PARVB: variants seen among roughly 807,000 people sequenced by gnomAD.
The protein encoded by PARVB is beta-parvin.
PARVB carries 46 observed loss-of-function variants against 47.0 expected under a neutral mutation model. That is an observed-to-expected ratio of 0.98 (90% confidence interval 0.77 to 1.25). The LOEUF (loss-of-function observed/expected upper bound fraction) is 1.25, where lower values mean the gene tolerates loss of function less well. PARVB is among the 50% of genes most tolerant of loss of function. The pLI is 0.00. For missense variants in PARVB, 473 were observed against 471.6 expected (o/e 1.00, Z -0.03); for synonymous variants, 196 against 196.3 (o/e 1.00, Z 0.01).
chr22:44,096,537 G>T (rs1251433014), intron 2 of PARVB, among the ~76,000 whole-genome samples: 2 of 152,194 alleles, frequency 1.3e-5, no homozygotes, highest in African/African-American at 4.8e-5. Flanking sequence ...CACTGTGAAT[G>T]CTTCTACTCC....
chr22:44,055,158 A>G (rs75875366), intron 1 of PARVB, among the ~76,000 whole-genome samples: 2,269 of 152,214 alleles, frequency 0.015, 46 homozygotes, highest in African/African-American at 0.045. Context: ...GGAAGTACCC[A>G]CGTTCCTGCT....
In PARVB at chr22:44,169,513, C is replaced by G. The variant is rs16991609; in HGVS notation, c.*835C>G. ...TTGGGAATGAATGCATCTTTGGAAA[C>G]TTTAAAATGAGGGGGGTGCATTGGT... On this transcript the variant is annotated 3_prime_UTR_variant, in exon 13 of 13. Transcript: ENST00000338758. 1.4e-3 allele frequency: 207 copies of G among 150,008 alleles called. 15 individuals carry two copies. The highest frequency in any genetic ancestry group is 5.1e-3 in the African/African-American group (200 of 39,334). 9.3% of individuals were successfully genotyped at this position (150,008 alleles called of 1,614,324 possible).
intron 2 of PARVB, among the ~76,000 whole-genome samples, chr22:44,013,304 C>T (rs879401267): frequency 6.6e-6 from 1 of 152,172 alleles, no homozygotes; most frequent in Non-Finnish European, 1.5e-5. Context: ...AGGGGTATCA[C>T]GTATTGACTT....
chr22:44,131,873 G>A (rs2053333489), intron 5 of PARVB, among the ~76,000 whole-genome samples: 1 of 152,192 alleles, frequency 6.6e-6, no homozygotes. Context: ...TGCTGCAGAG[G>A]AGAGAGGCAA....
chr22:44,080,117 G>A (rs1307272666), intron 1 of PARVB, among the ~76,000 whole-genome samples: 3 of 152,174 alleles, frequency 2.0e-5, no homozygotes, highest in Non-Finnish European at 2.9e-5. Context: ...TTTCAGTAAC[G>A]CTTGTGCCAG....
At position 44,093,289 on chromosome 22, in the gene PARVB, G is replaced by A. The variant is rs539860276; in HGVS notation, c.113-639G>A. Among the ~76,000 whole-genome samples, 18 of 152,310 alleles carry A rather than the reference G, an allele frequency of 1.2e-4. No homozygotes were observed. In the South Asian group the frequency reaches 3.7e-3, roughly 32 times the overall value. ...GTTCTGGGATTGTCCCTAATCACTG[G>A]GCGTTCCAGATCCTGTAACTGTTCA... On this transcript the variant is annotated intron_variant, in intron 1 of 12. Transcript: ENST00000338758.
In PARVB at chr22:44,089,157, T is replaced by C. The variant is rs1330454967; in HGVS notation, c.113-4771T>C. ...GCCCTCCTGTCTCTCTCTTCCTACC[T>C]GGCCCCCCGTGCAGGCCACAGAGCG... On this transcript the variant is annotated intron_variant, in intron 1 of 12. Coordinates refer to ENST00000338758, the MANE Select transcript of PARVB (RefSeq NM_013327.5). The surrounding 1 kb of genome is among the most constrained non-coding windows in gnomAD (Gnocchi z 4.0). Among the ~76,000 whole-genome samples the C allele has an allele frequency of 1.3e-5, 2 of 152,178 alleles. No individual in the cohort carries two copies. Among genetic ancestry groups the C allele is most frequent in the Non-Finnish European group, 2.9e-5 (2 of 68,036 alleles).
At chr22:44,124,700 A>C (rs140832002) in intron 4 of PARVB, among the ~76,000 whole-genome samples, 2 of 151,606 alleles carry the variant, frequency 1.3e-5, no homozygotes, top group Admixed American at 1.3e-4. Flanking sequence ...ACTCCCACAG[A>C]CAAGCCCCAT....
intron 10 of PARVB, among the ~76,000 whole-genome samples, chr22:44,154,662 CTGTGTGG>C (rs71188432): frequency 0.34 from 46,629 of 138,634 alleles, 7,866 homozygotes; most frequent in East Asian, 0.63. Flanking sequence ...TTTACGTAGT[CTGTGTGG>C]TGTGTGGTGT....
intron 1 of PARVB, among the ~76,000 whole-genome samples, chr22:44,040,285 A>C (rs1411922128): frequency 6.6e-6 from 1 of 151,746 alleles, no homozygotes; most frequent in Admixed American, 6.6e-5. Flanking sequence ...TGATGTCTGC[A>C]ACTTACTTTG....
intron 2 of PARVB, among the ~76,000 whole-genome samples, chr22:44,016,313 G>A (rs571413477): frequency 6.6e-5 from 10 of 151,988 alleles, no homozygotes; most frequent in South Asian, 2.1e-4. Flanking sequence ...AGCCAGGATG[G>A]TCTCGATCTC....
At position 44,155,846 on chromosome 22, in the gene PARVB, C is replaced by T. The variant is rs1330713543; in HGVS notation, c.844-2136C>T. Among the ~76,000 whole-genome samples the T allele has an allele frequency of 6.6e-6, 1 of 152,126 alleles. No individual in the cohort carries two copies. The highest frequency in any genetic ancestry group is 1.5e-5 in the Non-Finnish European group (1 of 68,030). ...TGACATGGAGGCCAAGTGCCATTTGCCCATCAACTGACAGCGTGTTGAATT... is the reference window on the plus strand; with the variant it reads ...TGACATGGAGGCCAAGTGCCATTTGTCCATCAACTGACAGCGTGTTGAATT... On this transcript the variant is annotated intron_variant, in intron 10 of 12. Transcript: ENST00000338758. This position sits in a 1 kb window ranked among gnomAD's most constrained non-coding sequence, Gnocchi z 4.8.
At position 44,163,530 on chromosome 22, in the gene PARVB, C is replaced by G. The variant is rs58979166; in HGVS notation, c.946-328C>G. Among the ~76,000 whole-genome samples, 133 of 152,258 alleles carry G rather than the reference C, an allele frequency of 8.7e-4. 1 individual carries two copies. Among genetic ancestry groups the G allele is most frequent in the African/African-American group, 3.1e-3 (127 of 41,572 alleles). ...AATAAATAAAATGGGGCCCCTGTGA[C>G]TTCTCATCAGGTGGCTGGCATCTGG... On this transcript the variant is annotated intron_variant, in intron 11 of 12. Coordinates refer to ENST00000338758, the MANE Select transcript of PARVB (RefSeq NM_013327.5).
At chr22:44,146,240 A>C (rs544102918) in intron 8 of PARVB, 1 of 145,972 alleles carries the variant, frequency 6.9e-6, no homozygotes, top group South Asian at 2.3e-4. Context: ...ACGCTCACAC[A>C]CGCGCTCACA....
rs144364658 is a variant in PARVB, at chr22:44,030,192, T to C, written c.112+5741T>C. On this transcript the variant is annotated intron_variant, in intron 1 of 12. Transcript: ENST00000338758. ...CCCCGCCTTTCCCCCCAGCAACGCC[T>C]GGGCTGGGAGCTGGGGGTGGGTGAG... is the stretch of plus-strand genomic sequence containing the variant. Among the ~76,000 whole-genome samples, 602 of 152,300 alleles carry C rather than the reference T, an allele frequency of 4.0e-3. 6 individuals are homozygous for C. The highest frequency in any genetic ancestry group is 0.014 in the African/African-American group (579 of 41,584).
chr22:44,105,109 C>G (rs1348479004), intron 3 of PARVB: 1 of 152,260 alleles, frequency 6.6e-6, no homozygotes, highest in African/African-American at 2.4e-5. Flanking sequence ...ATCTGAGCCT[C>G]CGTGTCCAGA....
chr22:44,047,003 G>T (rs2051125079), intron 1 of PARVB, among the ~76,000 whole-genome samples: 1 of 152,160 alleles, frequency 6.6e-6, no homozygotes, highest in Admixed American at 6.5e-5. Flanking sequence ...GCTACAGTTT[G>T]TCTTCCTTCC....
intron 3 of PARVB, chr22:44,110,893 C>T (rs2052681632): frequency 6.6e-6 from 1 of 152,196 alleles, no homozygotes; most frequent in South Asian, 2.1e-4. Flanking sequence ...AGCCATTGCG[C>T]CCGGCCTATA....
chr22:44,024,493 C>G (rs1235760860), intron 1 of PARVB, 42 bp downstream of exon 1: 8 of 1,043,130 alleles, frequency 7.7e-6, no homozygotes, highest in Non-Finnish European at 9.4e-6. Context: ...GGGACCTGCC[C>G]GGCGGTGCCC....
Sources: allele counts gnomAD v4.1 joint callset (sites outside exome capture counted in the v4.1 genomes callset), GRCh38; gene constraint gnomAD v4.1.1; non-coding constraint Gnocchi (gnomAD v3.1); transcripts MANE v1.5; gene names NCBI Gene and HGNC (gene_info 2026-07-23, HGNC 2026-07-21).